Variants in CMSS1 observed in about 807,000 individuals in gnomAD.
CMSS1 encodes the protein protein CMSS1.
In CMSS1, 33 loss-of-function variants were observed where a neutral mutation model predicts 43.5. The ratio of observed to expected loss-of-function variants is 0.76; its 90% CI spans 0.57 to 1.01. The LOEUF (loss-of-function observed/expected upper bound fraction) is 1.01. Ranked by LOEUF, CMSS1 falls within the 50% of genes least tolerant of loss-of-function variation. The probability of loss-of-function intolerance (pLI) is 0.00; values close to 1 mark genes in which losing one functional copy is unlikely to be tolerated. For synonymous variants in CMSS1, 115 were observed against 117.2 expected (o/e 0.98, Z 0.12); for missense variants, 313 against 326.4 (o/e 0.96, Z 0.32).
At chr3:99,833,768 A>G (rs1942782859) in intron 1 of CMSS1, among the ~76,000 whole-genome samples, 3 of 152,198 alleles carry the variant, frequency 2.0e-5, no homozygotes, top group African/African-American at 7.2e-5. Flanking sequence ...ACCTCTGGTC[A>G]TTTTGATATG....
intron 1 of CMSS1, among the ~76,000 whole-genome samples, chr3:99,818,620 C>T (rs1942371424): frequency 6.6e-6 from 1 of 152,154 alleles, no homozygotes; most frequent in Admixed American, 6.5e-5. Flanking sequence ...TCATCATTAT[C>T]ATGGAATTTG....
chr3:99,950,150 C>T (rs1205066898), intron 1 of CMSS1, among the ~76,000 whole-genome samples: 1 of 152,168 alleles, frequency 6.6e-6, no homozygotes, highest in Non-Finnish European at 1.5e-5. Context: ...AAGGAGCCAC[C>T]TACTGTAACT....
chr3:100,140,021 A>G (rs767519828), intron 1 of CMSS1, among the ~76,000 whole-genome samples: 5 of 152,154 alleles, frequency 3.3e-5, no homozygotes, highest in Admixed American at 6.5e-5. Context: ...CAGTTACACA[A>G]CTGTATGCAT....
intron 1 of CMSS1, among the ~76,000 whole-genome samples, chr3:100,133,956 T>C (rs1156753078): frequency 1.3e-5 from 2 of 152,170 alleles, no homozygotes; most frequent in Non-Finnish European, 2.9e-5. Context: ...CGGGATACAT[T>C]ATGTATTAAT....
chr3:100,015,557 CACA>C (rs1710317334), intron 1 of CMSS1, among the ~76,000 whole-genome samples: 1 of 152,148 alleles, frequency 6.6e-6, no homozygotes, highest in Non-Finnish European at 1.5e-5. Flanking sequence ...ATATTTTTTA[CACA>C]TTCTTGGTTT....
At chr3:99,909,737 A>G (rs995137972) in intron 1 of CMSS1, among the ~76,000 whole-genome samples, 7 of 152,228 alleles carry the variant, frequency 4.6e-5, no homozygotes, top group African/African-American at 1.4e-4. Flanking sequence ...TAAAGTTGCT[A>G]TCAGTTATAG....
chr3:99,927,004 G>A (rs1465748215), intron 1 of CMSS1, among the ~76,000 whole-genome samples: 1 of 152,092 alleles, frequency 6.6e-6, no homozygotes, highest in Non-Finnish European at 1.5e-5. Context: ...GGGCCAAAAG[G>A]CCCTTCACCA....
At chr3:99,882,675 G>T (rs1030425935) in intron 1 of CMSS1, among the ~76,000 whole-genome samples, 5 of 152,140 alleles carry the variant, frequency 3.3e-5, no homozygotes, top group Non-Finnish European at 7.4e-5. Context: ...CAGTCACTGT[G>T]TTTTCTGGGA....
chr3:99,897,121 G>T (rs1706280829), intron 1 of CMSS1, among the ~76,000 whole-genome samples: 1 of 152,096 alleles, frequency 6.6e-6, no homozygotes, highest in Non-Finnish European at 1.5e-5. Flanking sequence ...CATTTTGGGA[G>T]GCAGAGGTGG....
intron 1 of CMSS1, among the ~76,000 whole-genome samples, chr3:100,144,274 C>T (rs2066829310): frequency 6.6e-6 from 1 of 152,164 alleles, no homozygotes; most frequent in African/African-American, 2.4e-5. Context: ...GTTGCTGAAA[C>T]TATTAGTGTG....
At chr3:99,874,207 C>T (rs891708104) in intron 1 of CMSS1, 3 of 152,166 alleles carry the variant, frequency 2.0e-5, no homozygotes, top group East Asian at 1.9e-4. Context: ...CTGGGAAACA[C>T]AGCTGTTAGA....
intron 1 of CMSS1, among the ~76,000 whole-genome samples, chr3:99,855,235 C>T (rs1943903775): frequency 6.6e-6 from 1 of 152,122 alleles, no homozygotes; most frequent in African/African-American, 2.4e-5. Context: ...GCTAAATTAA[C>T]TAAAATCTGT....
intron 1 of CMSS1, among the ~76,000 whole-genome samples, chr3:99,971,006 AT>A (rs1238801985): frequency 6.6e-6 from 1 of 152,156 alleles, no homozygotes; most frequent in Non-Finnish European, 1.5e-5. Context: ...TTCACAAGAT[AT>A]TTAACAGCAA....
intron 1 of CMSS1, among the ~76,000 whole-genome samples, chr3:100,097,916 C>CT (rs1284263302): frequency 1.3e-5 from 2 of 152,142 alleles, no homozygotes; most frequent in African/African-American, 2.4e-5. Flanking sequence ...AGTAGAAACT[C>CT]TTATCATTTA....
intron 1 of CMSS1, among the ~76,000 whole-genome samples, chr3:99,904,593 A>C (rs1706550109): frequency 6.6e-6 from 1 of 151,998 alleles, no homozygotes; most frequent in Non-Finnish European, 1.5e-5. Flanking sequence ...AGGTTTCCTT[A>C]CTTTTCTCTT....
At chr3:99,893,833 G>C (rs7636447) in intron 1 of CMSS1, among the ~76,000 whole-genome samples, 40,388 of 151,944 alleles carry the variant, frequency 0.27, 6,082 homozygotes, top group Admixed American at 0.34. Flanking sequence ...ATATCTTTAG[G>C]TTTTACTTCC....
intron 1 of CMSS1, among the ~76,000 whole-genome samples, chr3:99,954,312 G>T (rs1708258422): frequency 6.6e-6 from 1 of 152,180 alleles, no homozygotes; most frequent in Non-Finnish European, 1.5e-5. Flanking sequence ...TGCCAAGAGG[G>T]AGTATAATAT....
chr3:99,941,248 C>A (rs1262567331), intron 1 of CMSS1, among the ~76,000 whole-genome samples: 1 of 151,880 alleles, frequency 6.6e-6, no homozygotes, highest in Admixed American at 6.6e-5. Flanking sequence ...GATGAAAAAA[C>A]TGAAGTGTTA....
intron 1 of CMSS1, chr3:100,114,870 G>A (rs1427305546): frequency 3.9e-5 from 42 of 1,076,544 alleles, no homozygotes; most frequent in Non-Finnish European, 5.6e-5. Context: ...CCAAGGCACT[G>A]TAAACATTCG....
Sources: allele counts gnomAD v4.1 joint callset (sites outside exome capture counted in the v4.1 genomes callset), GRCh38; gene constraint gnomAD v4.1.1; transcripts MANE v1.5; gene names NCBI Gene and HGNC (gene_info 2026-07-23, HGNC 2026-07-21).